Variants in FLT1 observed in about 807,000 individuals in gnomAD.
FLT1 encodes the protein fms related receptor tyrosine kinase 1, also known as vascular endothelial growth factor receptor 1.
In FLT1, 49 loss-of-function variants were observed where a neutral mutation model predicts 156.3. That is an observed-to-expected ratio of 0.31 (90% confidence interval 0.25 to 0.40). The LOEUF (loss-of-function observed/expected upper bound fraction) is 0.40. Ranked by LOEUF, FLT1 falls within the 10% of genes least tolerant of loss-of-function variation. The probability of loss-of-function intolerance (pLI) is 1.00; values close to 1 mark genes in which losing one functional copy is unlikely to be tolerated. For synonymous variants in FLT1, 594 were observed against 583.8 expected (o/e 1.02, Z -0.25); for missense variants, 1,322 against 1,637.2 (o/e 0.81, Z 3.32).
In FLT1 at chr13:28,309,114, G is replaced by A. The variant is rs61763566; in HGVS notation, c.3636-187C>T. On this transcript the variant is annotated intron_variant, in intron 27 of 29. Transcript: ENST00000282397. ...CCTGACAGCATTGCCACTGCCTCCC[G>A]TGGTTGTCAATTCACATTCTGTAGG... Among the ~76,000 whole-genome samples, 1,327 of 152,206 alleles carry A rather than the reference G, an allele frequency of 8.7e-3. 20 individuals carry two copies. The highest frequency in any genetic ancestry group is 0.03 in the African/African-American group (1,259 of 41,524).
chr13:28,360,646 T>C (rs1425479909), intron 14 of FLT1, among the ~76,000 whole-genome samples: 1 of 152,120 alleles, frequency 6.6e-6, no homozygotes, highest in Non-Finnish European at 1.5e-5. Context: ...GTTGAACTCA[T>C]AGATGTAGAG....
At position 28,408,062 on chromosome 13, in the gene FLT1, C is replaced by T. The variant is rs374471240; in HGVS notation, c.1437-2168G>A. Among the ~76,000 whole-genome samples, 11 of 152,270 alleles carry T rather than the reference C, an allele frequency of 7.2e-5. No homozygotes were observed. The East Asian group carries it at 1.5e-3, about 21-fold the overall frequency. On this transcript the variant is annotated intron_variant, in intron 10 of 29. Transcript: ENST00000282397. ...GCATATGTACTTGGGATTGTGACAT[C>T]AAACAGCTAAAGTTCTCTTGTATCT...
chr13:28,318,555 G>A (rs11843026), intron 24 of FLT1, among the ~76,000 whole-genome samples: 1 of 152,170 alleles, frequency 6.6e-6, no homozygotes, highest in Non-Finnish European at 1.5e-5. Flanking sequence ...GAAGCAGCTG[G>A]GAGGCGTGCA....
intron 15 of FLT1, among the ~76,000 whole-genome samples, chr13:28,351,603 T>C (rs575629900): frequency 3.3e-5 from 5 of 152,330 alleles, no homozygotes; most frequent in African/African-American, 1.2e-4. Flanking sequence ...GTACACCAAT[T>C]TGGAACCACT....
intron 27 of FLT1, among the ~76,000 whole-genome samples, chr13:28,309,271 T>C (rs182032511): frequency 6.6e-6 from 1 of 152,044 alleles, no homozygotes; most frequent in African/African-American, 2.4e-5. Flanking sequence ...TGCAGGGAAG[T>C]GGTATGACTT....
intron 23 of FLT1, among the ~76,000 whole-genome samples, chr13:28,320,736 G>A (rs948002675): frequency 2.6e-5 from 4 of 152,202 alleles, no homozygotes; most frequent in Non-Finnish European, 4.4e-5. Flanking sequence ...CTGGGGGGTG[G>A]AAGGCTTGTT....
intron 14 of FLT1, among the ~76,000 whole-genome samples, chr13:28,361,672 G>A (rs1873116948): frequency 6.6e-6 from 1 of 152,228 alleles, no homozygotes; most frequent in Non-Finnish European, 1.5e-5. Flanking sequence ...AGTGGAGGAT[G>A]AGCAGTATCG....
chr13:28,437,587 G>A (rs1005181032), intron 4 of FLT1, among the ~76,000 whole-genome samples: 31 of 152,156 alleles, frequency 2.0e-4, no homozygotes, highest in Admixed American at 1.6e-3. Context: ...TAGCTAGAAT[G>A]TCATAGGTTT....
At chr13:28,412,350 C>CCTTTCTTTT (rs1876287309) in intron 10 of FLT1, among the ~76,000 whole-genome samples, 2 of 93,708 alleles carry the variant, frequency 2.1e-5, no homozygotes, top group African/African-American at 7.6e-5. Flanking sequence ...TTCTTTCTTT[C>CCTTTCTTTT]TCTTTCTTTC....
chr13:28,463,273 T>C (rs1259374159), intron 3 of FLT1, among the ~76,000 whole-genome samples: 1 of 152,242 alleles, frequency 6.6e-6, no homozygotes, highest in Non-Finnish European at 1.5e-5. Context: ...AAAGTGCTGA[T>C]ATTGATTTTT....
intron 3 of FLT1, among the ~76,000 whole-genome samples, 163 bp from the exon 4 acceptor site, chr13:28,438,508 G>A (rs1210811179): frequency 6.6e-6 from 1 of 152,166 alleles, no homozygotes; most frequent in East Asian, 1.9e-4. Flanking sequence ...GGCCCTCTGT[G>A]TTTCTACCCA....
chr13:28,401,624 G>C (rs1875442745), intron 11 of FLT1, among the ~76,000 whole-genome samples: 1 of 152,170 alleles, frequency 6.6e-6, no homozygotes. Context: ...TTCCTTTCAA[G>C]TGTTTCACTG....
intron 3 of FLT1, among the ~76,000 whole-genome samples, chr13:28,446,479 A>C (rs1878625317): frequency 6.6e-6 from 1 of 152,246 alleles, no homozygotes; most frequent in African/African-American, 2.4e-5. Context: ...ACAATGTACA[A>C]AATGAATTAT....
In FLT1 at chr13:28,384,813, C is replaced by A. The variant is rs573472378; in HGVS notation, c.2116+72G>T. On this transcript the variant is annotated intron_variant, in intron 14 of 29. Transcript: ENST00000282397. ...GTCTATACATACTGGAAGCAGGTGA[C>A]GGGACTGTTAAGGGAAAGGGGGGCT... The A allele has an allele frequency of 4.2e-6, 6 of 1,432,228 alleles. No individual in the cohort carries two copies. The African/African-American group carries it at 7.0e-5, about 17-fold the overall frequency. 88.7% of individuals were successfully genotyped at this position (1,432,228 alleles called of 1,614,324 possible).
At chr13:28,420,751 T>G (rs978449193) in intron 10 of FLT1, among the ~76,000 whole-genome samples, 4 of 152,212 alleles carry the variant, frequency 2.6e-5, no homozygotes, top group African/African-American at 9.7e-5. Context: ...CATTTCTAAT[T>G]AACTACCATT....
At chr13:28,312,511 TAA>T (rs201861045) in intron 25 of FLT1, among the ~76,000 whole-genome samples, 5 of 143,702 alleles carry the variant, frequency 3.5e-5, no homozygotes, top group Admixed American at 7.0e-5. Context: ...TCCTTAAAGT[TAA>T]AAAAAAAAAA....
intron 1 of FLT1, among the ~76,000 whole-genome samples, chr13:28,475,820 G>A (rs545235431): frequency 6.6e-6 from 1 of 152,302 alleles, no homozygotes; most frequent in East Asian, 1.9e-4. Flanking sequence ...CACATTAAAT[G>A]GAGACTACAC....
intron 20 of FLT1, among the ~76,000 whole-genome samples, chr13:28,325,919 C>T (rs1871661946): frequency 6.6e-6 from 1 of 151,366 alleles, no homozygotes. Flanking sequence ...TAGAACATCT[C>T]TGTCTTTAAT....
chr13:28,412,641 G>A (rs1462612365), intron 10 of FLT1, among the ~76,000 whole-genome samples: 7 of 150,838 alleles, frequency 4.6e-5, no homozygotes, highest in African/African-American at 9.8e-5. Flanking sequence ...GGCTGGTCTC[G>A]AACTCCTGAC....
Sources: gnomAD v4.1 joint callset for allele counts (sites outside exome capture counted in the v4.1 genomes callset) on GRCh38, gnomAD v4.1.1 for gene constraint, MANE v1.5 for transcripts, NCBI Gene and HGNC (gene_info 2026-07-23, HGNC 2026-07-21) for gene names.